Variants in POC1B observed in about 807,000 individuals in gnomAD.
POC1B encodes POC1 centriolar protein homolog B.
A neutral mutation model predicts 60.6 loss-of-function variants in POC1B; 44 were observed. The ratio of observed to expected loss-of-function variants is 0.73; its 90% CI spans 0.57 to 0.93. The LOEUF is 0.93. POC1B is among the 40% of genes least tolerant of loss of function. The pLI is 0.00. For missense variants in POC1B, 555 were observed against 572.3 expected, an observed-to-expected ratio of 0.97 and a Z score of 0.31; for synonymous variants, 180 against 198.9, an observed-to-expected ratio of 0.90 and a Z score of 0.80.
intron 3 of POC1B, among the ~76,000 whole-genome samples, chr12:89,495,067 G>A (rs964914588): frequency 3.9e-5 from 6 of 152,228 alleles, no homozygotes; most frequent in East Asian, 3.9e-4. Flanking sequence ...CCGTTGCCAC[G>A]ATCCACCATT....
chr12:89,502,482 C>CA (rs1380928722), intron 2 of POC1B: 22 of 1,126,220 alleles, frequency 2.0e-5, no homozygotes, highest in Middle Eastern at 2.0e-4. Context: ...GAAAAGTTGA[C>CA]AAAAAAATCT....
chr12:89,431,861 A>C (rs1881044533), intron 10 of POC1B, among the ~76,000 whole-genome samples: 1 of 152,204 alleles, frequency 6.6e-6, no homozygotes. Context: ...GGCTAAAAAC[A>C]AGGTGTCAGT....
intron 11 of POC1B, among the ~76,000 whole-genome samples, chr12:89,424,894 C>G (rs936005798): frequency 6.6e-6 from 1 of 152,096 alleles, no homozygotes; most frequent in South Asian, 2.1e-4. Flanking sequence ...AATGGTTACT[C>G]CCAATACATT....
chr12:89,407,651 C>T, the POC1B span, among the ~76,000 whole-genome samples: 1 of 152,124 alleles, frequency 6.6e-6, no homozygotes, highest in African/African-American at 2.4e-5. Context: ...CTTCAGCTAA[C>T]CCAGGAGCCA....
intron 10 of POC1B, among the ~76,000 whole-genome samples, chr12:89,442,716 C>T (rs1881582555): frequency 6.6e-6 from 1 of 152,178 alleles, no homozygotes; most frequent in African/African-American, 2.4e-5. Flanking sequence ...AAATAACCAG[C>T]TAACATCATA....
At chr12:89,463,353 C>T (rs1420700889) in intron 9 of POC1B, among the ~76,000 whole-genome samples, 2 of 152,134 alleles carry the variant, frequency 1.3e-5, no homozygotes, top group Non-Finnish European at 2.9e-5. Context: ...CTATCGCCAT[C>T]GCTTAGAGTG....
At chr12:89,501,019 A>G in intron 2 of POC1B, 2 of 1,010,470 alleles carry the variant, frequency 2.0e-6, no homozygotes, top group Non-Finnish European at 3.1e-6. Flanking sequence ...TTTATAATTG[A>G]TAAGTCAGAT....
At chr12:89,474,473 A>T (rs992378419) in intron 4 of POC1B, among the ~76,000 whole-genome samples, 1 of 152,144 alleles carries the variant, frequency 6.6e-6, no homozygotes, top group African/African-American at 2.4e-5. Flanking sequence ...TCATTATCCT[A>T]CCCACATTCC....
chr12:89,495,727 A>C (rs992028311), intron 3 of POC1B, among the ~76,000 whole-genome samples: 1 of 152,124 alleles, frequency 6.6e-6, no homozygotes, highest in Non-Finnish European at 1.5e-5. Flanking sequence ...ATTCAAGTGC[A>C]TTATTACATT....
chr12:89,522,341 A>C (rs1431397149), intron 2 of POC1B: 1 of 395,676 alleles, frequency 2.5e-6, no homozygotes, highest in Non-Finnish European at 4.4e-6. Context: ...ATAAAATCTA[A>C]AATTTAATGT....
chr12:89,509,667 A>C (rs1870080381), intron 2 of POC1B, among the ~76,000 whole-genome samples: 1 of 152,212 alleles, frequency 6.6e-6, no homozygotes, highest in Admixed American at 6.5e-5. Context: ...TTCTAATCTA[A>C]CACCACAGAA....
At chr12:89,436,682 C>A (rs2120702533) in intron 10 of POC1B, among the ~76,000 whole-genome samples, 1 of 152,018 alleles carries the variant, frequency 6.6e-6, no homozygotes, top group African/African-American at 2.4e-5. Context: ...ATACTGTATT[C>A]CAGCTTGGGC....
At chr12:89,473,730 AGTTT>A (rs1882999479) in intron 4 of POC1B, among the ~76,000 whole-genome samples, 2 of 151,296 alleles carry the variant, frequency 1.3e-5, no homozygotes, top group African/African-American at 4.9e-5. Flanking sequence ...CATGCTGGGT[AGTTT>A]ACCCTGATTT....
chr12:89,502,235 G>A (rs1846585999), intron 2 of POC1B: 2 of 1,281,290 alleles, frequency 1.6e-6, no homozygotes, highest in African/African-American at 1.5e-5. Flanking sequence ...GTTCCTGGAA[G>A]TTCAGATGAC....
chr12:89,523,462 A>G (rs1341623435), intron 2 of POC1B: 2 of 1,613,952 alleles, frequency 1.2e-6, no homozygotes, highest in Non-Finnish European at 1.7e-6. Context: ...CTTGGGGAAC[A>G]CATGGCCCAC....
At chr12:89,471,044 T>C (rs1882869743) in intron 6 of POC1B, among the ~76,000 whole-genome samples, 1 of 152,230 alleles carries the variant, frequency 6.6e-6, no homozygotes, top group African/African-American at 2.4e-5. Flanking sequence ...AATTACCCTA[T>C]TTAAATCTCA....
chr12:89,407,464 C>T, the POC1B span, among the ~76,000 whole-genome samples: 2 of 152,224 alleles, frequency 1.3e-5, no homozygotes, highest in East Asian at 3.9e-4. Context: ...TCTCAAACTC[C>T]TAACCTCGAG....
At chr12:89,462,862 C>T (rs1882529541) in intron 9 of POC1B, among the ~76,000 whole-genome samples, 1 of 151,962 alleles carries the variant, frequency 6.6e-6, no homozygotes, top group Admixed American at 6.6e-5. Flanking sequence ...TTAGAACAGT[C>T]TTGTATAACT....
intron 7 of POC1B, 147 bp downstream of exon 7, chr12:89,470,214 G>T: frequency 2.9e-6 from 1 of 340,502 alleles, no homozygotes; most frequent in Non-Finnish European, 4.4e-6. Context: ...GATAAAAACA[G>T]CCTTGGAAGT....
Sources: gnomAD v4.1 joint callset for allele counts (sites outside exome capture counted in the v4.1 genomes callset) on GRCh38, gnomAD v4.1.1 for gene constraint, MANE v1.5 for transcripts, NCBI Gene and HGNC (gene_info 2026-07-23, HGNC 2026-07-21) for gene names.